SLC12A2: variants seen among roughly 807,000 people sequenced by gnomAD.
SLC12A2 encodes the protein Na-K-2Cl cotransporter 1.
A neutral mutation model predicts 136.3 loss-of-function variants in SLC12A2; 67 were observed. The observed-to-expected ratio is 0.49, with a 90% confidence interval of 0.40 to 0.60. The LOEUF is 0.60. Among genes scored for constraint, SLC12A2 ranks in the 20% least tolerant of loss-of-function variants. The probability of loss-of-function intolerance (pLI) is 0.00; values close to 1 mark genes in which losing one functional copy is unlikely to be tolerated. For synonymous variants in SLC12A2, 619 were observed against 562.9 expected (o/e 1.10, Z -1.41); for missense variants, 1,322 against 1,534.7 (o/e 0.86, Z 2.32).
rs371656696 is a variant in SLC12A2 at position 128,172,977 on chromosome 5, C to CAAA, written c.2803+1239_2803+1241dup. ...TACAAAAAAAACAAAAAACAAAAAA[C>CAAA]AAAAAAAAAACAACTGTGAAGATTT... On this transcript the variant is annotated intron_variant, in intron 19 of 26. Transcript: ENST00000262461. 5.0e-5 allele frequency among the ~76,000 whole-genome samples: 7 copies of CAAA among 140,106 alleles called. 1 individual carries two copies. The highest frequency in any genetic ancestry group is 3.7e-3 in the Middle Eastern group (1 of 270). 91.9% of individuals were successfully genotyped at this position (140,106 alleles called of 152,430 possible). A position where few individuals can be genotyped will look rare whatever the true frequency, so the allele number is the denominator to read the frequency against.
At chr5:128,123,223 C>G (rs1458815633) in intron 4 of SLC12A2, among the ~76,000 whole-genome samples, 1 of 152,060 alleles carries the variant, frequency 6.6e-6, no homozygotes, top group African/African-American at 2.4e-5. Context: ...TAAGATAACA[C>G]CTAATCCTGG....
chr5:128,096,460 T>A (rs1760540908), intron 1 of SLC12A2, among the ~76,000 whole-genome samples: 1 of 152,078 alleles, frequency 6.6e-6, no homozygotes, highest in African/African-American at 2.4e-5. Flanking sequence ...GAAACTAATG[T>A]TATGGCAAAT....
chr5:128,172,824 G>A (rs991810858), intron 19 of SLC12A2, among the ~76,000 whole-genome samples: 6 of 152,066 alleles, frequency 3.9e-5, no homozygotes, highest in Admixed American at 2.0e-4. Flanking sequence ...AGTGGGGCAT[G>A]CTTGTAATCC....
intron 1 of SLC12A2, among the ~76,000 whole-genome samples, chr5:128,101,215 G>A (rs1445316774): frequency 2.6e-5 from 4 of 152,032 alleles, no homozygotes; most frequent in Non-Finnish European, 4.4e-5. Context: ...GTAGCTTTAG[G>A]ATGATATAAT....
intron 1 of SLC12A2, among the ~76,000 whole-genome samples, chr5:128,087,198 A>G (rs1760134877): frequency 6.6e-6 from 1 of 152,202 alleles, no homozygotes; most frequent in Non-Finnish European, 1.5e-5. Context: ...GCATCTTGCT[A>G]TATTATATAG....
At chr5:128,163,498 C>T (rs1763108762) in intron 17 of SLC12A2, among the ~76,000 whole-genome samples, 2 of 151,936 alleles carry the variant, frequency 1.3e-5, no homozygotes, top group South Asian at 2.1e-4. Flanking sequence ...CACCGCACTC[C>T]AGTTTGGGCG....
intron 1 of SLC12A2, among the ~76,000 whole-genome samples, chr5:128,095,392 G>C (rs1760492335): frequency 6.6e-6 from 1 of 151,984 alleles, no homozygotes; most frequent in Non-Finnish European, 1.5e-5. Context: ...ATAATACCTG[G>C]TAGGGCAGAA....
intron 19 of SLC12A2, among the ~76,000 whole-genome samples, chr5:128,173,921 C>A (rs1763460074): frequency 6.6e-6 from 1 of 152,082 alleles, no homozygotes; most frequent in East Asian, 1.9e-4. Context: ...GGTACTTTCA[C>A]CATGAACTTA....
At chr5:128,174,937 CATTTT>C (rs1763494717) in intron 20 of SLC12A2, among the ~76,000 whole-genome samples, 2 of 151,924 alleles carry the variant, frequency 1.3e-5, no homozygotes, top group African/African-American at 2.4e-5. Context: ...TTAAATAAAA[CATTTT>C]AATTTGAAGC....
At chr5:128,175,181 C>A (rs1158872078) in intron 20 of SLC12A2, among the ~76,000 whole-genome samples, 1 of 152,052 alleles carries the variant, frequency 6.6e-6, no homozygotes, top group Non-Finnish European at 1.5e-5. Context: ...TGTGAATCAT[C>A]AAACTGTAAC....
At chr5:128,184,693 T>G (rs1763814557) in intron 25 of SLC12A2, 96 bp from the exon 26 acceptor site, 1 of 1,576,860 alleles carries the variant, frequency 6.3e-7, no homozygotes, top group African/African-American at 1.4e-5. Context: ...ACACGAAAAT[T>G]CATTTCAGTT....
chr5:128,142,383 G>T (rs367825244), intron 10 of SLC12A2, among the ~76,000 whole-genome samples: 26 of 152,190 alleles, frequency 1.7e-4, no homozygotes, highest in East Asian at 9.6e-4. Context: ...GATGGCAGGT[G>T]TGAGCCACTG....
rs1043577168 is a variant in SLC12A2, at chr5:128,083,916, T to G, written c.-39T>G. ...TGTGGAGGGCGTGCTGCCGGAGACG[T>G]CCGCCGGGCTCTGCAGTTCCGCCGG... On this transcript the variant is annotated 5_prime_UTR_variant, in exon 1 of 27. Coordinates refer to ENST00000262461, the MANE Select transcript of SLC12A2 (RefSeq NM_001046.3). 146 of 1,216,590 alleles carry G rather than the reference T, an allele frequency of 1.2e-4. 1 individual carries two copies. The African/African-American group carries it at 2.2e-3, about 18-fold the overall frequency. 75.4% of individuals were successfully genotyped at this position (1,216,590 alleles called of 1,614,324 possible). A position where few individuals can be genotyped will look rare whatever the true frequency, so the allele number is the denominator to read the frequency against.
intron 1 of SLC12A2, among the ~76,000 whole-genome samples, chr5:128,098,420 C>G (rs1248680615): frequency 1.3e-5 from 2 of 150,540 alleles, no homozygotes; most frequent in African/African-American, 4.9e-5. Context: ...TTTTTGGAGT[C>G]TTTGTCTCCT....
intron 15 of SLC12A2, among the ~76,000 whole-genome samples, chr5:128,153,895 GAGA>G (rs1291050834): frequency 6.6e-6 from 1 of 152,024 alleles, no homozygotes; most frequent in Admixed American, 6.6e-5. Context: ...GACAGAAATG[GAGA>G]AGAAGGAATG....
At chr5:128,133,590 G>A (rs1202614569) in intron 5 of SLC12A2, among the ~76,000 whole-genome samples, 1 of 151,956 alleles carries the variant, frequency 6.6e-6, no homozygotes, top group East Asian at 1.9e-4. Context: ...CCTTATTTGA[G>A]AAGTGGTAGT....
intron 4 of SLC12A2, among the ~76,000 whole-genome samples, chr5:128,116,208 G>C (rs1761344141): frequency 6.6e-6 from 1 of 152,056 alleles, no homozygotes; most frequent in Non-Finnish European, 1.5e-5. Flanking sequence ...TTAGAATCTA[G>C]GCTGTGAGCC....
At chr5:128,089,492 T>G (rs1445307160) in intron 1 of SLC12A2, among the ~76,000 whole-genome samples, 1 of 152,234 alleles carries the variant, frequency 6.6e-6, no homozygotes, top group Admixed American at 6.5e-5. Flanking sequence ...CTTCTCTCTT[T>G]ATCTTTTCTA....
chr5:128,166,756 A>G (rs550664824), intron 17 of SLC12A2, among the ~76,000 whole-genome samples: 1 of 152,110 alleles, frequency 6.6e-6, no homozygotes, highest in Non-Finnish European at 1.5e-5. Flanking sequence ...AACATTGTGA[A>G]TATAATTAAT....
Sources: allele counts gnomAD v4.1 joint callset (sites outside exome capture counted in the v4.1 genomes callset), GRCh38; gene constraint gnomAD v4.1.1; transcripts MANE v1.5; gene names NCBI Gene and HGNC (gene_info 2026-07-23, HGNC 2026-07-21).